ME3: variants seen among roughly 807,000 people sequenced by gnomAD.
The protein encoded by ME3 is NADP-dependent malic enzyme, mitochondrial.
A neutral mutation model predicts 68.9 loss-of-function variants in ME3; 48 were observed. The observed-to-expected ratio is 0.70, with a 90% confidence interval of 0.55 to 0.89. The LOEUF (loss-of-function observed/expected upper bound fraction) is 0.89. Ranked by LOEUF, ME3 falls within the 40% of genes least tolerant of loss-of-function variation. ME3 has a pLI of 0.00. For missense variants in ME3, 675 were observed against 797.4 expected, an observed-to-expected ratio of 0.85 and a Z score of 1.85; for synonymous variants, 320 against 318.8, an observed-to-expected ratio of 1.00 and a Z score of -0.04.
chr11:86,572,181 C>T (rs1339819164), intron 2 of ME3, among the ~76,000 whole-genome samples: 2 of 152,144 alleles, frequency 1.3e-5, no homozygotes, highest in Non-Finnish European at 2.9e-5. Flanking sequence ...TTTTGCTGGG[C>T]TTTGTTGCAT....
chr11:86,582,731 G>A (rs1222912356), intron 2 of ME3, among the ~76,000 whole-genome samples: 2 of 151,816 alleles, frequency 1.3e-5, no homozygotes, highest in African/African-American at 2.4e-5. Flanking sequence ...GATAGCACTG[G>A]TCCGACACTG....
chr11:86,627,487 C>T (rs1008190817), intron 2 of ME3, among the ~76,000 whole-genome samples: 1 of 152,162 alleles, frequency 6.6e-6, no homozygotes, highest in Non-Finnish European at 1.5e-5. Context: ...CATATGCATA[C>T]AAATATTAAG....
intron 6 of ME3, among the ~76,000 whole-genome samples, chr11:86,488,368 CCT>C (rs1454310420): frequency 1.3e-5 from 2 of 152,084 alleles, no homozygotes; most frequent in Non-Finnish European, 2.9e-5. Context: ...CCTTTCCATT[CCT>C]CTCTTTTCCT....
chr11:86,468,200 G>A (rs1950591205), intron 7 of ME3, among the ~76,000 whole-genome samples: 1 of 152,062 alleles, frequency 6.6e-6, no homozygotes, highest in Non-Finnish European at 1.5e-5. Flanking sequence ...CAGTGCCTCA[G>A]GCCCTCCATT....
chr11:86,509,112 A>G (rs1953309515), intron 4 of ME3, among the ~76,000 whole-genome samples: 1 of 152,152 alleles, frequency 6.6e-6, no homozygotes, highest in Non-Finnish European at 1.5e-5. Context: ...TGCTCCCCAG[A>G]GTCTGTGCCC....
At chr11:86,481,591 G>C (rs1215331048) in intron 7 of ME3, among the ~76,000 whole-genome samples, 1 of 152,128 alleles carries the variant, frequency 6.6e-6, no homozygotes, top group Non-Finnish European at 1.5e-5. Context: ...GGGTGTGGGG[G>C]TGGAGTGTAC....
At position 86,600,810 on chromosome 11, in the gene ME3, A is replaced by G. The variant is rs1415658916; in HGVS notation, c.184-40987T>C. On this transcript the variant is annotated intron_variant, in intron 2 of 14. Transcript: ENST00000543262. ...AGGATTAAGAAACTCACTCAAAACC[A>G]CTCAACTACATGGAAACTGAACAAC... Among the ~76,000 whole-genome samples, 234 of 151,324 alleles carry G rather than the reference A, an allele frequency of 1.5e-3. 1 individual carries two copies. The highest frequency in any genetic ancestry group is 5.5e-3 in the African/African-American group (227 of 41,058).
intron 2 of ME3, among the ~76,000 whole-genome samples, chr11:86,664,376 A>G (rs1946464623): frequency 6.6e-6 from 1 of 152,238 alleles, no homozygotes; most frequent in Non-Finnish European, 1.5e-5. Context: ...TCATTAACAT[A>G]AGCCAATGTT....
chr11:86,658,490 A>G lies in ME3; in HGVS notation c.183+13272T>C, dbSNP rs532167809. ...TGTAAGAGTAACTGGCACAGTAGGC[A>G]TTATATGTGATTGTTATTATTTTTA... On this transcript the variant is annotated intron_variant, in intron 2 of 14. Coordinates refer to ENST00000543262, the Ensembl canonical transcript of ME3. Among the ~76,000 whole-genome samples the G allele has an allele frequency of 3.1e-4, 47 of 151,958 alleles. No homozygotes were observed. In the Middle Eastern group the frequency reaches 0.01, roughly 33 times the overall value.
intron 2 of ME3, among the ~76,000 whole-genome samples, chr11:86,658,538 G>A (rs545783089): frequency 6.6e-6 from 1 of 152,202 alleles, no homozygotes; most frequent in Admixed American, 6.5e-5. Flanking sequence ...CAGTAATTTT[G>A]AGCCCCAGAG....
intron 4 of ME3, among the ~76,000 whole-genome samples, chr11:86,545,996 C>T (rs1956338501): frequency 6.6e-6 from 1 of 152,114 alleles, no homozygotes; most frequent in Non-Finnish European, 1.5e-5. Flanking sequence ...ACAGAGGCCT[C>T]AGAAATAATG....
intron 2 of ME3, among the ~76,000 whole-genome samples, chr11:86,667,161 C>T (rs190461001): frequency 2.6e-5 from 4 of 152,208 alleles, no homozygotes; most frequent in African/African-American, 4.8e-5. Context: ...GGCCCCACTA[C>T]GTGAAATGTC....
At chr11:86,449,316 T>C (rs10898484) in intron 10 of ME3, among the ~76,000 whole-genome samples, 119,372 of 152,178 alleles carry the variant, frequency 0.78, 46,870 homozygotes, top group South Asian at 0.86. Context: ...CATGCTTTCA[T>C]TCATGCCTCA....
At chr11:86,517,663 A>G (rs887874146) in intron 4 of ME3, among the ~76,000 whole-genome samples, 1 of 152,186 alleles carries the variant, frequency 6.6e-6, no homozygotes, top group Admixed American at 6.5e-5. Context: ...AGCAAAGGAA[A>G]AGAATTCCTT....
chr11:86,604,402 A>T (rs1240428313), intron 2 of ME3, among the ~76,000 whole-genome samples: 2 of 152,258 alleles, frequency 1.3e-5, no homozygotes, highest in East Asian at 1.9e-4. Context: ...GGAGGGCTTC[A>T]AATTTTATTT....
downstream of ME3, among the ~76,000 whole-genome samples, chr11:86,437,858 A>AATGAAT (rs1555194964): frequency 2.7e-5 from 4 of 150,884 alleles, no homozygotes; most frequent in East Asian, 2.0e-4. Context: ...GAGGAGAGAG[A>AATGAAT]GAATGAATGA....
intron 2 of ME3, among the ~76,000 whole-genome samples, chr11:86,630,194 A>G (rs780639908): frequency 1.5e-4 from 23 of 152,210 alleles, no homozygotes; most frequent in Non-Finnish European, 2.4e-4. Context: ...GGTCATGCTA[A>G]TAACATATGA....
intron 2 of ME3, among the ~76,000 whole-genome samples, chr11:86,622,089 C>T (rs551494322): frequency 1.3e-5 from 2 of 151,946 alleles, no homozygotes; most frequent in African/African-American, 4.8e-5. Flanking sequence ...TTTGCCATGG[C>T]CAGGTGAGAA....
intron 7 of ME3, 98 bp from the exon 8 acceptor site, chr11:86,465,298 G>T: frequency 1.1e-6 from 1 of 884,764 alleles, no homozygotes; most frequent in Non-Finnish European, 1.9e-6. Context: ...TGCAGGCCTG[G>T]GGGTGGGAGG....
Sources: allele counts gnomAD v4.1 joint callset (sites outside exome capture counted in the v4.1 genomes callset), GRCh38; gene constraint gnomAD v4.1.1; transcripts MANE v1.5; gene names NCBI Gene and HGNC (gene_info 2026-07-23, HGNC 2026-07-21).